Variants in ASXL2 observed in about 807,000 individuals in gnomAD.
ASXL2 encodes the protein ASXL transcriptional regulator 2.
In ASXL2, 23 loss-of-function variants were observed where a neutral mutation model predicts 122.0. That is an observed-to-expected ratio of 0.19 (90% CI 0.14 to 0.27). ASXL2 has a LOEUF of 0.27. ASXL2 is among the 10% of genes least tolerant of loss of function. The pLI is 1.00. For synonymous variants in ASXL2, 650 were observed against 637.0 expected (o/e 1.02, Z -0.31); for missense variants, 1,518 against 1,713.8 (o/e 0.89, Z 2.02).
chr2:25,845,357 T>A (rs756442843), intron 2 of ASXL2, 124 bp downstream of exon 2: 11 of 1,378,682 alleles, frequency 8.0e-6, no homozygotes, highest in Non-Finnish European at 1.1e-5. Flanking sequence ...AGATCTGACA[T>A]CTGATCAGAA....
intron 5 of ASXL2, among the ~76,000 whole-genome samples, chr2:25,792,147 C>T (rs2088844069): frequency 6.6e-6 from 1 of 152,224 alleles, no homozygotes; most frequent in Non-Finnish European, 1.5e-5. Flanking sequence ...CAGGCACACA[C>T]CACCACATTC....
intron 1 of ASXL2, among the ~76,000 whole-genome samples, chr2:25,867,211 A>G (rs1007195993): frequency 6.6e-6 from 1 of 151,974 alleles, no homozygotes; most frequent in African/African-American, 2.4e-5. Context: ...TAATTTTTGT[A>G]TTTTTAGTAG....
chr2:25,736,891 G>A lies in ASXL2; in HGVS notation c.*5138C>T, dbSNP rs1435490305. ...GCTATATACTTTTCTTTATAAAGAC[G>A]ATGTAGGCACCATTTTGCTCCTATC... On this transcript the variant is annotated 3_prime_UTR_variant, in exon 13 of 13. Transcript: ENST00000435504. 2 of 152,014 alleles carry A rather than the reference G, an allele frequency of 1.3e-5. No homozygotes were observed. Among genetic ancestry groups the A allele is most frequent in the East Asian group, 1.9e-4 (1 of 5,194 alleles). The allele number at this position is 152,014 out of a possible 1,614,324, so 9.4% of individuals were successfully genotyped here.
intron 6 of ASXL2, 119 bp from the exon 7 acceptor site, chr2:25,768,987 T>C (rs923955773): frequency 1.6e-6 from 2 of 1,245,896 alleles, no homozygotes; most frequent in African/African-American, 3.0e-5. Flanking sequence ...TTGAAATCTA[T>C]CAAAGCAAAC....
intron 3 of ASXL2, among the ~76,000 whole-genome samples, chr2:25,830,388 T>C (rs1473556694): frequency 6.6e-6 from 1 of 152,008 alleles, no homozygotes; most frequent in Non-Finnish European, 1.5e-5. Flanking sequence ...TCCCAGCACT[T>C]TGGGAGGCCG....
intron 3 of ASXL2, among the ~76,000 whole-genome samples, chr2:25,834,761 G>C (rs1216105241): frequency 6.6e-6 from 1 of 152,072 alleles, no homozygotes; most frequent in African/African-American, 2.4e-5. Context: ...ATTCAGTAAA[G>C]GATCCAGACT....
chr2:25,822,815 C>T, intron 3 of ASXL2: 1 of 560,032 alleles, frequency 1.8e-6, no homozygotes. Context: ...CAGATGAAGA[C>T]AGGTCTAATT....
At chr2:25,828,158 G>A (rs1056886766) in intron 3 of ASXL2, among the ~76,000 whole-genome samples, 5 of 152,120 alleles carry the variant, frequency 3.3e-5, no homozygotes, top group Admixed American at 1.3e-4. Context: ...AAGGGCCTTA[G>A]AGAACAATCT....
In ASXL2 at chr2:25,744,864, A is replaced by G. The variant is rs1337558317; in HGVS notation, c.1861-388T>C. Among the ~76,000 whole-genome samples the G allele has an allele frequency of 6.6e-6, 1 of 152,046 alleles. No homozygotes were observed. The highest frequency in any genetic ancestry group is 2.4e-5 in the African/African-American group (1 of 41,390). Reference sequence around the variant, plus strand: ...AGAAAAGCAAGCAAGCCAGCCACCCATACCACTACTGTCTTTTAGTTCTTA... The same window carrying G: ...AGAAAAGCAAGCAAGCCAGCCACCCGTACCACTACTGTCTTTTAGTTCTTA... On this transcript the variant is annotated intron_variant, in intron 12 of 12. Transcript: ENST00000435504. The surrounding 1 kb of genome is among the most constrained non-coding windows in gnomAD (Gnocchi z 4.7).
At chr2:25,816,277 C>T (rs958708580) in intron 3 of ASXL2, among the ~76,000 whole-genome samples, 7 of 151,988 alleles carry the variant, frequency 4.6e-5, no homozygotes, top group African/African-American at 7.2e-5. Flanking sequence ...AAATCTTAAG[C>T]GTCAAGGATA....
rs1396251888 is a variant in ASXL2, at chr2:25,738,635, T to G, written c.*3394A>C. ...CTCACCCCCATTATAGCAAATCACTTCACCAGAGAGTTATTTATGGCTCTC... is the reference window on the plus strand; with the variant it reads ...CTCACCCCCATTATAGCAAATCACTGCACCAGAGAGTTATTTATGGCTCTC... On this transcript the variant is annotated 3_prime_UTR_variant, in exon 13 of 13. Coordinates refer to ENST00000435504, the MANE Select transcript of ASXL2 (RefSeq NM_018263.6). 1 of 152,096 alleles carries G rather than the reference T, an allele frequency of 6.6e-6. No homozygotes were observed. Among genetic ancestry groups the G allele is most frequent in the Non-Finnish European group, 1.5e-5 (1 of 68,014 alleles). 9.4% of individuals were successfully genotyped at this position (152,096 alleles called of 1,614,324 possible). A position where few individuals can be genotyped will look rare whatever the true frequency, so the allele number is the denominator to read the frequency against.
intron 4 of ASXL2, among the ~76,000 whole-genome samples, chr2:25,799,993 CAA>C (rs563216355): frequency 1.4e-4 from 14 of 98,252 alleles, no homozygotes; most frequent in Admixed American, 2.1e-4. Flanking sequence ...AAAAAAAATG[CAA>C]AAAAAAAAAA....
intron 1 of ASXL2, among the ~76,000 whole-genome samples, chr2:25,854,952 A>AAC (rs1195711472): frequency 6.6e-6 from 1 of 152,164 alleles, no homozygotes; most frequent in Non-Finnish European, 1.5e-5. Flanking sequence ...GCCATTAAGA[A>AAC]ACACATCCAA....
rs1167513541 is a variant in ASXL2, at chr2:25,740,807, ATGTCT to A, written c.*1217_*1221del. ...GGCTATATTTTCTAAAACAGGAAAA[ATGTCT>A]TGTATTGTGTGTGTGTGTGTACATA... On this transcript the variant is annotated 3_prime_UTR_variant, in exon 13 of 13. Coordinates refer to ENST00000435504, the MANE Select transcript of ASXL2 (RefSeq NM_018263.6). 1.5e-5 allele frequency: 3 copies of A among 197,466 alleles called. No individual in the cohort carries two copies. Among genetic ancestry groups the A allele is most frequent in the Admixed American group, 6.0e-5 (1 of 16,538 alleles). 12.2% of individuals were successfully genotyped at this position (197,466 alleles called of 1,614,324 possible). A position where few individuals can be genotyped will look rare whatever the true frequency, so the allele number is the denominator to read the frequency against.
intron 5 of ASXL2, among the ~76,000 whole-genome samples, chr2:25,773,163 G>A (rs924451903): frequency 4.7e-5 from 7 of 149,570 alleles, no homozygotes; most frequent in Admixed American, 6.6e-5. Flanking sequence ...AGCCGAGATC[G>A]CACCGTTGCA....
Position 25,743,002 on chromosome 2 carries a change from C to T in ASXL2, c.3335G>A (p.Gly1112Asp). ...CATTGCAGGTTTGGATGTCCTTCTG[C>T]CAGCAAAACCCAGCATGAACCTCTG... ...TSQRFMLGFAGRRTSKPAMAG... is the reference protein window; with the variant it reads ...TSQRFMLGFADRRTSKPAMAG... Residue 1112 changes from glycine (G) to aspartate (D), a missense_variant, in exon 13 of 13, where the codon GGC (glycine) becomes GAC (aspartate). Around this residue, in one of 8 missense-constraint regions of ASXL2, gnomAD observed 831 missense variants for 833.1 expected, o/e 1.00. Coordinates refer to ENST00000435504, the MANE Select transcript of ASXL2 (RefSeq NM_018263.6). The T allele has an allele frequency of 6.2e-7, 1 of 1,614,016 alleles. No individual in the cohort carries two copies. The highest frequency in any genetic ancestry group is 8.5e-7 in the Non-Finnish European group (1 of 1,179,908).
At chr2:25,823,046 AGAT>A in intron 3 of ASXL2, 1 of 472,858 alleles carries the variant, frequency 2.1e-6, no homozygotes, top group South Asian at 1.6e-5. Context: ...CTCTAAAGGC[AGAT>A]GCTGTATTTG....
At chr2:25,850,423 TAC>T (rs2089701412) in intron 1 of ASXL2, among the ~76,000 whole-genome samples, 1 of 152,218 alleles carries the variant, frequency 6.6e-6, no homozygotes, top group African/African-American at 2.4e-5. Flanking sequence ...GTATTGTAGT[TAC>T]ACACATTCTG....
At position 25,743,574 on chromosome 2, in the gene ASXL2, T is replaced by G; in HGVS notation, c.2763A>C (p.Pro921=). 1 of 1,614,040 alleles carries G rather than the reference T, an allele frequency of 6.2e-7. No individual in the cohort carries two copies. Among genetic ancestry groups the G allele is most frequent in the Non-Finnish European group, 8.5e-7 (1 of 1,179,894 alleles). ...AGSAPPSSTL[P]AASSLKTPGT... ...CTGGGGTTTTAAGGCTAGAAGCTGC[T>G]GGCAAAGTGCTCGAGGGTGGAGCTG... Residue 921 remains proline, a synonymous_variant, in exon 13 of 13, where the codon CCA becomes CCC. Coordinates refer to ENST00000435504, the MANE Select transcript of ASXL2 (RefSeq NM_018263.6).
Sources: gnomAD v4.1 joint callset for allele counts (sites outside exome capture counted in the v4.1 genomes callset) on GRCh38, gnomAD v4.1.1 for gene constraint, gnomAD v4.1.1 regional missense constraint, Gnocchi (gnomAD v3.1) non-coding constraint, MANE v1.5 for transcripts, NCBI Gene and HGNC (gene_info 2026-07-23, HGNC 2026-07-21) for gene names.